EYA3: variants seen among roughly 807,000 people sequenced by gnomAD.
EYA3 encodes EYA transcriptional coactivator and phosphatase 3.
In EYA3, 39 loss-of-function variants were observed where a neutral mutation model predicts 80.0. The observed-to-expected ratio is 0.49, with a 90% CI of 0.38 to 0.64. The LOEUF (loss-of-function observed/expected upper bound fraction) is 0.64. EYA3 is among the 30% of genes least tolerant of loss of function. The pLI, the probability that EYA3 is intolerant of heterozygous loss-of-function variation, is 0.00. For synonymous variants in EYA3, 206 were observed against 232.8 expected, an observed-to-expected ratio of 0.88 and a Z score of 1.05; for missense variants, 523 against 676.1, an observed-to-expected ratio of 0.77 and a Z score of 2.51.
intron 3 of EYA3, among the ~76,000 whole-genome samples, chr1:28,045,119 A>G (rs1179658873): frequency 6.6e-6 from 1 of 152,196 alleles, no homozygotes; most frequent in Non-Finnish European, 1.5e-5. Flanking sequence ...ATTTGTAATT[A>G]ATTTTAAAGC....
At chr1:28,019,709 T>C (rs907235135) in intron 7 of EYA3, among the ~76,000 whole-genome samples, 3 of 152,106 alleles carry the variant, frequency 2.0e-5, no homozygotes, top group African/African-American at 7.2e-5. Context: ...CATATCCTTT[T>C]TTTCTTTTTT....
chr1:28,002,285 G>T (rs1335155224), intron 11 of EYA3, among the ~76,000 whole-genome samples: 1 of 151,740 alleles, frequency 6.6e-6, no homozygotes, highest in Non-Finnish European at 1.5e-5. Flanking sequence ...CTGGCCTCAG[G>T]TGATCCACCC....
chr1:28,038,458 A>AAAAAC (rs1643586207), intron 5 of EYA3, among the ~76,000 whole-genome samples: 2 of 151,012 alleles, frequency 1.3e-5, no homozygotes, highest in Non-Finnish European at 3.0e-5. Flanking sequence ...AAAAAAAAAA[A>AAAAAC]AAAAAACCGA....
At chr1:27,981,166 G>A (rs1639277395) in intron 16 of EYA3, among the ~76,000 whole-genome samples, 1 of 152,202 alleles carries the variant, frequency 6.6e-6, no homozygotes, top group South Asian at 2.1e-4. Flanking sequence ...TCATTTCAGA[G>A]GAAGTGAAAA....
In EYA3 at chr1:28,020,667, CGTGTGTGTGTGTGTGTGTGTGTGT is replaced by C. The variant is rs56017264; in HGVS notation, c.500-3452_500-3429del. Among the ~76,000 whole-genome samples the C allele has an allele frequency of 2.3e-3, 312 of 134,560 alleles. 1 individual carries two copies. The highest frequency in any genetic ancestry group is 5.9e-3 in the South Asian group (23 of 3,910). 88.3% of individuals were successfully genotyped at this position (134,560 alleles called of 152,430 possible). On this transcript the variant is annotated intron_variant, in intron 7 of 17. Transcript: ENST00000373871. ...GCACTTTTAAAAAAATACAGATCATCGTGTGTGTGTGTGTGTGTGTGTGTGTGTGTGTGTGTGTGTGTGTGTGTG... is the reference window on the plus strand; with the variant it reads ...GCACTTTTAAAAAAATACAGATCATCGTGTGTGTGTGTGTGTGTGTGTGTG...
At chr1:28,021,012 G>C (rs1191309519) in intron 7 of EYA3, among the ~76,000 whole-genome samples, 11 of 152,140 alleles carry the variant, frequency 7.2e-5, no homozygotes, top group Admixed American at 7.2e-4. Flanking sequence ...TTGAACAGAA[G>C]ACCACGGTTA....
In EYA3 at chr1:28,072,426, G is replaced by A. The variant is rs187148714; in HGVS notation, c.-68-14332C>T. On this transcript the variant is annotated intron_variant, in intron 1 of 17. Coordinates refer to ENST00000373871, the MANE Select transcript of EYA3 (RefSeq NM_001990.4). ...GGCCTCTGTAGATTTAGATCCTTTC[G>A]TTTAGGCTAAGCAGAGACTAGTACA... is the stretch of plus-strand genomic sequence containing the variant. Among the ~76,000 whole-genome samples the A allele has an allele frequency of 2.8e-3, 429 of 152,098 alleles. 4 individuals carry two copies. Among genetic ancestry groups the A allele is most frequent in the African/African-American group, 9.8e-3 (406 of 41,512 alleles).
At chr1:28,076,667 A>T (rs1380152979) in intron 1 of EYA3, among the ~76,000 whole-genome samples, 4 of 83,476 alleles carry the variant, frequency 4.8e-5, no homozygotes, top group Admixed American at 4.4e-4. Flanking sequence ...GACTCTGCCT[A>T]AAAAAAAAAA....
chr1:28,076,081 C>T (rs574468083), intron 1 of EYA3, among the ~76,000 whole-genome samples: 64 of 152,278 alleles, frequency 4.2e-4, no homozygotes, highest in African/African-American at 1.4e-3. Flanking sequence ...GGCAACAGCA[C>T]AAATCACATT....
chr1:28,003,315 CAAA>C (rs922222254), intron 11 of EYA3, among the ~76,000 whole-genome samples: 34 of 140,966 alleles, frequency 2.4e-4, no homozygotes, highest in Admixed American at 4.9e-4. Flanking sequence ...ACAACAACAA[CAAA>C]ATTAGCCAGG....
chr1:27,979,253 C>T (rs1255996532), intron 16 of EYA3, among the ~76,000 whole-genome samples: 2 of 152,126 alleles, frequency 1.3e-5, no homozygotes, highest in African/African-American at 4.8e-5. Context: ...CAATAACAAA[C>T]AAAAAGCCAT....
At chr1:28,033,113 T>C (rs1460663372) in intron 6 of EYA3, among the ~76,000 whole-genome samples, 1 of 152,204 alleles carries the variant, frequency 6.6e-6, no homozygotes, top group South Asian at 2.1e-4. Context: ...ATAATGAATT[T>C]TTCTGAAGCC....
At chr1:28,048,347 G>T in intron 3 of EYA3, 36 bp downstream of exon 3, 6 of 1,488,258 alleles carry the variant, frequency 4.0e-6, no homozygotes, top group South Asian at 1.3e-5. Context: ...CAAAACTTAT[G>T]AGTAGTTCAT....
intron 1 of EYA3, among the ~76,000 whole-genome samples, chr1:28,069,802 T>C (rs1257170786): frequency 6.6e-6 from 1 of 152,234 alleles, no homozygotes. Flanking sequence ...TCTTTGCATA[T>C]GTTATTAAGG....
chr1:28,046,269 T>TA (rs1367981710), intron 3 of EYA3, among the ~76,000 whole-genome samples: 9 of 152,126 alleles, frequency 5.9e-5, no homozygotes, highest in Admixed American at 1.3e-4. Flanking sequence ...TTTATCATAG[T>TA]AAAAAAATTG....
intron 4 of EYA3, 136 bp downstream of exon 4, chr1:28,042,435 C>A: frequency 1.4e-6 from 1 of 693,610 alleles, no homozygotes; most frequent in East Asian, 2.7e-5. Context: ...AGGATAAACA[C>A]ACACAAAAAC....
intron 6 of EYA3, among the ~76,000 whole-genome samples, chr1:28,034,625 C>G (rs1231043314): frequency 6.6e-6 from 1 of 152,010 alleles, no homozygotes; most frequent in Non-Finnish European, 1.5e-5. Context: ...TTCTAACAAG[C>G]CTAAAAGTAA....
chr1:28,017,868 TA>T (rs1406798545), intron 7 of EYA3, among the ~76,000 whole-genome samples: 1 of 152,100 alleles, frequency 6.6e-6, no homozygotes, highest in African/African-American at 2.4e-5. Context: ...TCTGGTCAGA[TA>T]AAAATGTACC....
intron 1 of EYA3, among the ~76,000 whole-genome samples, chr1:28,064,382 A>C (rs200072767): frequency 0.16 from 22,329 of 143,840 alleles, 1,893 homozygotes; most frequent in East Asian, 0.22. Context: ...CTCTCTCTAT[A>C]TATATATATA....
Sources: allele counts gnomAD v4.1 joint callset (sites outside exome capture counted in the v4.1 genomes callset), GRCh38; gene constraint gnomAD v4.1.1; transcripts MANE v1.5; gene names NCBI Gene and HGNC (gene_info 2026-07-23, HGNC 2026-07-21).